The following MMS19 variants were observed in gnomAD, a reference collection of about 807,000 sequenced individuals.
MMS19 encodes MMS19 cytosolic iron-sulfur assembly component.
In MMS19, 77 loss-of-function variants were observed where a neutral mutation model predicts 129.8. That is an observed-to-expected ratio of 0.59 (90% confidence interval 0.49 to 0.72). The LOEUF is 0.72. Ranked by LOEUF, MMS19 falls within the 30% of genes least tolerant of loss-of-function variation. MMS19 has a pLI of 0.00. For missense variants in MMS19, 1,168 were observed against 1,266.3 expected (o/e 0.92, Z 1.18); for synonymous variants, 491 against 502.8 (o/e 0.98, Z 0.31).
At position 97,460,142 on chromosome 10, in the gene MMS19, G is replaced by C. The variant is rs191066247; in HGVS notation, c.2560C>G (p.Arg854Gly). Residue 854 changes from arginine to glycine, a missense_variant, in exon 26 of 31, where the codon CGT (arginine) becomes GGT (glycine). Coordinates refer to ENST00000438925, the MANE Select transcript of MMS19 (RefSeq NM_022362.5). Reference protein sequence around the residue: ...LMSDCTDVLTRAGHAEVRIMF... With the variant: ...LMSDCTDVLTGAGHAEVRIMF... ...ATCCGCACTTCGGCATGGCCAGCAC[G>C]AGTCAGCACATCAGTGCAGTCAGAC... 33 of 1,614,024 alleles carry C rather than the reference G, an allele frequency of 2.0e-5. No individual in the cohort carries two copies. The African/African-American group carries it at 3.9e-4, about 19-fold the overall frequency.
At chr10:97,480,440 T>C (rs1166447188) in intron 3 of MMS19, 1 of 391,422 alleles carries the variant, frequency 2.6e-6, no homozygotes. Context: ...ATAAATAAGT[T>C]GTTGTCCTTT....
chr10:97,461,015 GGA>G lies in MMS19; in HGVS notation c.2312-10_2312-9del, dbSNP rs1564618121. Reference sequence around the variant, plus strand: ...ATTCATCCAGCTGCTGCCCTAAAAAGGAGAGAGGAAATGCTGACATAAAGGCT... The same window carrying G: ...ATTCATCCAGCTGCTGCCCTAAAAAGGAGAGGAAATGCTGACATAAAGGCT... On this transcript the variant is annotated splice_polypyrimidine_tract_variant and intron_variant, in intron 23 of 30. Transcript: ENST00000438925. 2.5e-5 allele frequency: 39 copies of G among 1,547,896 alleles called. No individual in the cohort carries two copies. The highest frequency in any genetic ancestry group is 3.1e-5 in the Non-Finnish European group (35 of 1,143,800).
At position 97,486,861 on chromosome 10, in the gene MMS19, C is replaced by CTATA. The variant is rs1564694696; in HGVS notation, c.113-2711_113-2710insTATA. On this transcript the variant is annotated intron_variant, in intron 1 of 30. Transcript: ENST00000438925. The stretch of plus-strand genomic sequence containing the variant: ...ATAAGCTTATCCTGAAATTAAAGTG[C>CTATA]CATATATATATATATATATATATAT... Among the ~76,000 whole-genome samples the CTATA allele has an allele frequency of 1.3e-3, 20 of 15,612 alleles. 1 individual carries two copies. The highest frequency in any genetic ancestry group is 2.7e-3 in the African/African-American group (20 of 7,326). The allele number at this position is 15,612 out of a possible 152,430, so 10.2% of individuals were successfully genotyped here.
chr10:97,461,905 G>T lies in MMS19; in HGVS notation c.2116-9C>A. The T allele has an allele frequency of 6.2e-7, 1 of 1,600,922 alleles. No homozygotes were observed. The highest frequency in any genetic ancestry group is 8.5e-7 in the Non-Finnish European group (1 of 1,173,894). ...TGCCCTGAGGAGCCATCCTATAAAG[G>T]AAGGAGAGCCCGATCAAGCCTGCCA... On this transcript the variant is annotated splice_polypyrimidine_tract_variant and intron_variant, in intron 21 of 30. Transcript: ENST00000438925.
intron 1 of MMS19, among the ~76,000 whole-genome samples, chr10:97,490,365 C>T (rs1207087448): frequency 6.6e-6 from 1 of 152,172 alleles, no homozygotes; most frequent in Non-Finnish European, 1.5e-5. Context: ...CAGATGTGAG[C>T]CACTGCACCT....
intron 2 of MMS19, 86 bp from the exon 3 acceptor site, chr10:97,481,128 C>G (rs958875662): frequency 2.3e-6 from 2 of 873,754 alleles, no homozygotes; most frequent in Non-Finnish European, 3.7e-6. Flanking sequence ...TCACACTCAC[C>G]CCCTGGGCAT....
At chr10:97,467,710 C>A in intron 13 of MMS19, 127 bp from the exon 14 acceptor site, 1 of 818,432 alleles carries the variant, frequency 1.2e-6, no homozygotes, top group Non-Finnish European at 1.9e-6. Flanking sequence ...CACAGCCAGG[C>A]TGGAATACAG....
chr10:97,461,733 G>T, intron 22 of MMS19, 95 bp downstream of exon 22: 2 of 1,542,380 alleles, frequency 1.3e-6, no homozygotes. Flanking sequence ...TCTCTGGTGG[G>T]GGAAGTAAAA....
intron 16 of MMS19, 132 bp downstream of exon 16, chr10:97,466,372 C>T: frequency 1.2e-6 from 1 of 820,854 alleles, no homozygotes; most frequent in South Asian, 1.5e-5. Flanking sequence ...CAGCCAGAGT[C>T]TAACACAGAG....
chr10:97,459,171 AT>A, intron 29 of MMS19, 51 bp downstream of exon 29: 1 of 1,560,172 alleles, frequency 6.4e-7, no homozygotes, highest in Non-Finnish European at 8.7e-7. Flanking sequence ...AAAGGTACTT[AT>A]GTGTCTCTTG....
At chr10:97,467,767 G>A (rs903067411) in intron 13 of MMS19, among the ~76,000 whole-genome samples, 184 bp from the exon 14 acceptor site, 1 of 151,830 alleles carries the variant, frequency 6.6e-6, no homozygotes, top group African/African-American at 2.4e-5. Context: ...AGGTTCAAGT[G>A]ATTCTCTCGC....
At chr10:97,480,888 G>T (rs769394477) in intron 3 of MMS19, 54 bp downstream of exon 3, 2 of 1,281,356 alleles carry the variant, frequency 1.6e-6, no homozygotes, top group South Asian at 1.3e-5. Context: ...GAATAGACAT[G>T]GGAGACCTGG....
chr10:97,488,882 A>G (rs1430972568), intron 1 of MMS19, among the ~76,000 whole-genome samples: 1 of 152,258 alleles, frequency 6.6e-6, no homozygotes. Flanking sequence ...CCCATCAATA[A>G]GAAACCAGTT....
intron 6 of MMS19, 27 bp from the exon 7 acceptor site, chr10:97,476,990 T>C: frequency 6.2e-7 from 1 of 1,613,536 alleles, no homozygotes; most frequent in Non-Finnish European, 8.5e-7. Context: ...AAGGTTACTA[T>C]ACTGTCCCAC....
Position 97,477,425 on chromosome 10 carries a change from T to A in MMS19, c.424-9A>T. 6.2e-7 allele frequency: 1 copy of A among 1,613,282 alleles called. No individual in the cohort carries two copies. ...TCCACCTGTGGCAGGGACTTGGGGG[T>A]GGGGGAGAAAGAAGTGAAGAAAATG... On this transcript the variant is annotated splice_polypyrimidine_tract_variant and intron_variant, in intron 5 of 30. Coordinates refer to ENST00000438925, the MANE Select transcript of MMS19 (RefSeq NM_022362.5).
chr10:97,473,660 G>C (rs895599644), intron 8 of MMS19, among the ~76,000 whole-genome samples: 6 of 151,996 alleles, frequency 3.9e-5, no homozygotes, highest in African/African-American at 1.5e-4. Context: ...CATTTTTAAT[G>C]TTTGAAACAA....
chr10:97,487,111 A>T (rs2038043348), intron 1 of MMS19, among the ~76,000 whole-genome samples: 1 of 151,700 alleles, frequency 6.6e-6, no homozygotes, highest in African/African-American at 2.4e-5. Flanking sequence ...TATTCAAAGA[A>T]ATCAGTGGTG....
At chr10:97,461,072 A>G (rs937582868) in intron 23 of MMS19, 65 bp from the exon 24 acceptor site, 13 of 1,331,356 alleles carry the variant, frequency 9.8e-6, no homozygotes, top group Non-Finnish European at 1.3e-5. Context: ...ATGAAATGCA[A>G]ATCACTTTAA....
chr10:97,462,016 C>G lies in MMS19; in HGVS notation c.2115+1G>C. On this transcript the variant is annotated splice_donor_variant, in intron 21 of 30. Coordinates refer to ENST00000438925, the MANE Select transcript of MMS19 (RefSeq NM_022362.5). LOFTEE classifies it high-confidence loss of function. Reference sequence around the variant, plus strand: ...AAGGATGTAAGTTCTAAGACTGTTACCTGGAATGGCTGGAATCTGCTCGGG... The same window carrying G: ...AAGGATGTAAGTTCTAAGACTGTTAGCTGGAATGGCTGGAATCTGCTCGGG... The G allele has an allele frequency of 6.3e-7, 1 of 1,586,392 alleles. No homozygotes were observed. The highest frequency in any genetic ancestry group is 8.6e-7 in the Non-Finnish European group (1 of 1,166,000).
Sources: allele counts gnomAD v4.1 joint callset (sites outside exome capture counted in the v4.1 genomes callset), GRCh38; gene constraint gnomAD v4.1.1; transcripts MANE v1.5; gene names NCBI Gene and HGNC (gene_info 2026-07-23, HGNC 2026-07-21).